The following ARHGAP26 variants were observed in gnomAD, a reference collection of about 807,000 sequenced individuals.
ARHGAP26 encodes Rho GTPase activating protein 26.
Under a neutral mutation model 104.8 loss-of-function variants are expected in ARHGAP26, and 38 were observed. The observed-to-expected ratio is 0.36, with a 90% CI of 0.28 to 0.48. The LOEUF is 0.48. Among genes scored for constraint, ARHGAP26 ranks in the 20% least tolerant of loss-of-function variants. ARHGAP26 has a pLI of 0.99. For synonymous variants in ARHGAP26, 341 were observed against 340.0 expected (o/e 1.00, Z -0.03); for missense variants, 704 against 947.9 (o/e 0.74, Z 3.38).
intron 20 of ARHGAP26, among the ~76,000 whole-genome samples, chr5:143,205,000 G>A (rs1268425663): frequency 6.6e-6 from 1 of 151,994 alleles, no homozygotes; most frequent in African/African-American, 2.4e-5. Context: ...TCATTGTCTG[G>A]TGGGGCAGGG....
chr5:143,114,358 C>T (rs1349688754), intron 17 of ARHGAP26, among the ~76,000 whole-genome samples: 2 of 152,146 alleles, frequency 1.3e-5, no homozygotes, highest in Non-Finnish European at 2.9e-5. Flanking sequence ...TCACCGAGTC[C>T]AGGTAGTATT....
rs191792777 is a variant in ARHGAP26 at position 142,809,334 on chromosome 5, C to T, written c.154+38419C>T. The stretch of plus-strand genomic sequence containing the variant: ...ATAGGTCTACTGTAAATAAAAGTTC[C>T]CCAAGAGAGAAGCCAGGATGTGAAG... On this transcript the variant is annotated intron_variant, in intron 1 of 22. Coordinates refer to ENST00000645722, the MANE Select transcript of ARHGAP26 (RefSeq NM_001135608.3). Among the ~76,000 whole-genome samples, 1,160 of 152,172 alleles carry T rather than the reference C, an allele frequency of 7.6e-3. 7 individuals carry two copies. Among genetic ancestry groups the T allele is most frequent in the Non-Finnish European group, 0.013 (859 of 68,002 alleles).
chr5:143,095,916 T>C (rs1248189195), intron 17 of ARHGAP26, among the ~76,000 whole-genome samples: 1 of 152,248 alleles, frequency 6.6e-6, no homozygotes, highest in Non-Finnish European at 1.5e-5. Context: ...CAAAAATCAG[T>C]CCTAGCATAT....
chr5:142,775,413 G>A (rs67688642), intron 1 of ARHGAP26, among the ~76,000 whole-genome samples: 13,200 of 152,014 alleles, frequency 0.087, 821 homozygotes, highest in African/African-American at 0.17. Context: ...CTTTGGTGAG[G>A]GGTCTTCAGA....
At position 143,123,056 on chromosome 5, in the gene ARHGAP26, T is replaced by C. The variant is rs1796321401; in HGVS notation, c.1698+1909T>C. 1.3e-5 allele frequency among the ~76,000 whole-genome samples: 2 copies of C among 152,244 alleles called. 1 individual carries two copies. The highest frequency in any genetic ancestry group is 4.1e-4 in the South Asian group (2 of 4,838). On this transcript the variant is annotated intron_variant, in intron 18 of 22. Transcript: ENST00000645722. ...TTGTGTTTTGTTCCTCAGTAGGCAC[T>C]AGTACATTGGTTTTGGGTGAATGTG...
intron 11 of ARHGAP26, among the ~76,000 whole-genome samples, chr5:142,987,822 A>T (rs1221290912): frequency 6.6e-6 from 1 of 152,254 alleles, no homozygotes; most frequent in Non-Finnish European, 1.5e-5. Context: ...GTATTGAACC[A>T]GCCTTGCATC....
In ARHGAP26 at chr5:142,844,635, C is replaced by T. The variant is rs1032193610; in HGVS notation, c.155-28765C>T. The stretch of plus-strand genomic sequence containing the variant: ...ATCCCAGCAGTTTGGGAGGCCAAGG[C>T]GGTGGATCACCTGAGGTCAGCAGTT... On this transcript the variant is annotated intron_variant, in intron 1 of 22. Transcript: ENST00000645722. Among the ~76,000 whole-genome samples the T allele has an allele frequency of 1.3e-4, 20 of 149,980 alleles. No individual in the cohort carries two copies. The East Asian group carries it at 2.8e-3, about 21-fold the overall frequency.
intron 1 of ARHGAP26, among the ~76,000 whole-genome samples, chr5:142,796,784 C>G (rs539058187): frequency 6.6e-6 from 1 of 152,308 alleles, no homozygotes; most frequent in East Asian, 1.9e-4. Flanking sequence ...AATGGGTTTC[C>G]CAGCATCAGT....
intron 20 of ARHGAP26, among the ~76,000 whole-genome samples, chr5:143,171,073 G>A (rs1299572431): frequency 6.6e-6 from 1 of 152,122 alleles, no homozygotes; most frequent in Non-Finnish European, 1.5e-5. Context: ...CTATAATAAA[G>A]GACAGAGAAT....
chr5:143,018,025 T>C (rs562214363), intron 12 of ARHGAP26, among the ~76,000 whole-genome samples: 1 of 152,362 alleles, frequency 6.6e-6, no homozygotes, highest in African/African-American at 2.4e-5. Context: ...GCTCTCTAAT[T>C]TTTTGCCAGT....
chr5:142,984,998 C>T (rs927684125), intron 11 of ARHGAP26, among the ~76,000 whole-genome samples: 10 of 151,744 alleles, frequency 6.6e-5, no homozygotes, highest in South Asian at 4.2e-4. Flanking sequence ...TTATCATAGA[C>T]GACAGCTCTA....
chr5:143,215,583 C>T (rs1810215459), intron 22 of ARHGAP26, among the ~76,000 whole-genome samples: 2 of 152,266 alleles, frequency 1.3e-5, no homozygotes, highest in African/African-American at 4.8e-5. Flanking sequence ...TTTCATCACC[C>T]CCAAAAGAAA....
chr5:142,790,659 C>G (rs1759617941), intron 1 of ARHGAP26, among the ~76,000 whole-genome samples: 1 of 152,200 alleles, frequency 6.6e-6, no homozygotes, highest in Non-Finnish European at 1.5e-5. Context: ...TGACCTTCCT[C>G]TTTCTACCTC....
intron 11 of ARHGAP26, among the ~76,000 whole-genome samples, chr5:142,971,432 T>G (rs1050826802): frequency 6.6e-5 from 10 of 152,188 alleles, no homozygotes; most frequent in Non-Finnish European, 1.0e-4. Context: ...GATGTGTTCT[T>G]GTCTCACTGA....
At chr5:142,986,437 G>A (rs1774747130) in intron 11 of ARHGAP26, among the ~76,000 whole-genome samples, 1 of 152,074 alleles carries the variant, frequency 6.6e-6, no homozygotes, top group Non-Finnish European at 1.5e-5. Flanking sequence ...GATTGTAAAA[G>A]TTCTCTCCCA....
intron 10 of ARHGAP26, among the ~76,000 whole-genome samples, chr5:142,917,413 G>T (rs1475790032): frequency 6.6e-6 from 1 of 152,162 alleles, no homozygotes; most frequent in Non-Finnish European, 1.5e-5. Flanking sequence ...CAGAGACACC[G>T]CAGTGTCCAG....
chr5:142,876,600 A>G (rs1756131614), intron 3 of ARHGAP26, among the ~76,000 whole-genome samples: 1 of 151,468 alleles, frequency 6.6e-6, no homozygotes, highest in Admixed American at 6.6e-5. Context: ...CAACATAGTG[A>G]GACCCCATCT....
chr5:142,791,792 C>T (rs1375623590), intron 1 of ARHGAP26, among the ~76,000 whole-genome samples: 6 of 151,800 alleles, frequency 4.0e-5, no homozygotes, highest in African/African-American at 1.2e-4. Context: ...GGTGAAACCC[C>T]GTCTCTACTA....
At chr5:142,857,081 C>T (rs1752477094) in intron 1 of ARHGAP26, among the ~76,000 whole-genome samples, 1 of 152,124 alleles carries the variant, frequency 6.6e-6, no homozygotes, top group Non-Finnish European at 1.5e-5. Flanking sequence ...TTCAGTTTCT[C>T]CCTCCATCTT....
Sources: allele counts gnomAD v4.1 joint callset (sites outside exome capture counted in the v4.1 genomes callset), GRCh38; gene constraint gnomAD v4.1.1; transcripts MANE v1.5; gene names NCBI Gene and HGNC (gene_info 2026-07-23, HGNC 2026-07-21).